SLC5A9: variants seen among roughly 807,000 people sequenced by gnomAD.
SLC5A9 encodes the protein solute carrier family 5 member 9, also known as sodium/glucose cotransporter 4.
A neutral mutation model predicts 70.9 loss-of-function variants in SLC5A9; 59 were observed. The ratio of observed to expected loss-of-function variants is 0.83; its 90% CI spans 0.68 to 1.03. SLC5A9 has a LOEUF of 1.03. Ranked by LOEUF, SLC5A9 falls within the 50% of genes least tolerant of loss-of-function variation. The pLI, the probability that SLC5A9 is intolerant of heterozygous loss-of-function variation, is 0.00. For synonymous variants in SLC5A9, 340 were observed against 346.5 expected (o/e 0.98, Z 0.21); for missense variants, 832 against 881.1 (o/e 0.94, Z 0.71).
At chr1:48,244,062 T>C (rs1412156389) in intron 13 of SLC5A9, among the ~76,000 whole-genome samples, 3 of 152,346 alleles carry the variant, frequency 2.0e-5, no homozygotes, top group African/African-American at 7.2e-5. Context: ...TCATTGTTTA[T>C]AACGTCCAGG....
chr1:48,231,574 G>A lies in SLC5A9; in HGVS notation c.640G>A (p.Ala214Thr), dbSNP rs747660405. 2 of 1,614,074 alleles carry A rather than the reference G, an allele frequency of 1.2e-6. No homozygotes were observed. Among genetic ancestry groups the A allele is most frequent in the Admixed American group, 3.3e-5 (2 of 60,010 alleles). ...CCTCATGGCCGTGATCTACACAGAT[G>A]CTCTGCAGACGGTGATCATGGTAGG... ...GGLMAVIYTD[A>T]LQTVIMVGGA... Residue 214 changes from alanine (A) to threonine (T), a missense_variant, in exon 6 of 14, where the codon GCT becomes ACT. By Grantham distance (58) the Ala-to-Thr change is moderately conservative (BLOSUM62 0). Transcript: ENST00000438567.
intron 2 of SLC5A9, among the ~76,000 whole-genome samples, chr1:48,227,483 G>T (rs1383429366): frequency 6.7e-6 from 1 of 148,508 alleles, no homozygotes; most frequent in Admixed American, 6.7e-5. Context: ...CTGTGTGGGC[G>T]TGAGTGCATG....
In SLC5A9 at chr1:48,247,821, C is replaced by A; in HGVS notation, c.*278C>A. On this transcript the variant is annotated 3_prime_UTR_variant, in exon 14 of 14. Coordinates refer to ENST00000438567, the MANE Select transcript of SLC5A9 (RefSeq NM_001011547.3). ...TTGCCTTACAGACCTACCTCAAACA[C>A]ACTGTTTCCACCCTCTTCTTGAATG... 1 of 486,262 alleles carries A rather than the reference C, an allele frequency of 2.1e-6. No individual in the cohort carries two copies. Among genetic ancestry groups the A allele is most frequent in the Non-Finnish European group, 3.7e-6 (1 of 267,840 alleles). The allele number at this position is 486,262 out of a possible 1,614,324, so 30.1% of individuals were successfully genotyped here. A position where few individuals can be genotyped will look rare whatever the true frequency, so the allele number is the denominator to read the frequency against.
At chr1:48,229,192 T>G in intron 3 of SLC5A9, 103 bp from the exon 4 acceptor site, 1 of 1,613,978 alleles carries the variant, frequency 6.2e-7, no homozygotes, top group Non-Finnish European at 8.5e-7. Context: ...CTTATTTCTC[T>G]GTTCGGGGGC....
chr1:48,235,984 C>G, intron 10 of SLC5A9, 105 bp downstream of exon 10: 3 of 1,349,332 alleles, frequency 2.2e-6, no homozygotes, highest in Non-Finnish European at 3.1e-6. Context: ...GACTGGCAGC[C>G]AGAGCACCGG....
chr1:48,241,470 T>G (rs1314353949), intron 12 of SLC5A9, among the ~76,000 whole-genome samples: 1 of 152,152 alleles, frequency 6.6e-6, no homozygotes, highest in Non-Finnish European at 1.5e-5. Context: ...GATACCCAGC[T>G]CAACATGCAC....
At chr1:48,237,385 A>G (rs527447863) in intron 10 of SLC5A9, among the ~76,000 whole-genome samples, 78 of 149,964 alleles carry the variant, frequency 5.2e-4, no homozygotes, top group Non-Finnish European at 1.1e-3. Context: ...GAATGTATGA[A>G]TTCCTCCTTG....
At chr1:48,243,262 G>C (rs1377194232) in intron 13 of SLC5A9, among the ~76,000 whole-genome samples, 2 of 152,076 alleles carry the variant, frequency 1.3e-5, no homozygotes, top group African/African-American at 4.8e-5. Context: ...CATGGGATGA[G>C]AGCAGCCATG....
chr1:48,244,878 G>GTATATATATATATA (rs756117312), intron 13 of SLC5A9, among the ~76,000 whole-genome samples: 956 of 29,374 alleles, frequency 0.033, 233 homozygotes, highest in Non-Finnish European at 0.052. Context: ...ATGTGTATGT[G>GTATATATATATATA]TATATATATA....
intron 10 of SLC5A9, among the ~76,000 whole-genome samples, chr1:48,236,261 G>A (rs212972): frequency 0.98 from 149,481 of 152,288 alleles, 73,369 homozygotes; most frequent in East Asian, 1. Flanking sequence ...CTATTAATTT[G>A]ATCCATCAGA....
At position 48,242,541 on chromosome 1, in the gene SLC5A9, G is replaced by T; in HGVS notation, c.1762G>T (p.Glu588Ter). 6.2e-7 allele frequency: 1 copy of T among 1,613,834 alleles called. No homozygotes were observed. Among genetic ancestry groups the T allele is most frequent in the East Asian group, 2.2e-5 (1 of 44,866 alleles). The change falls in exon 13 of 14, where the codon GAG (glutamate) becomes TAG (stop). Residue 588 changes from glutamate (E) to a stop codon, truncating the protein, a stop_gained. Coordinates refer to ENST00000438567, the MANE Select transcript of SLC5A9 (RefSeq NM_001011547.3). LOFTEE classifies it high-confidence loss of function. ...EAHESTPEIS[E>*]RPAGECPAGG... is the part of the protein sequence containing the mutation. ...CCACGAGAGCACACCGGAGATATCC[G>T]AGAGGCCAGCCGGGGAGTGCCCTGC... is the stretch of plus-strand genomic sequence containing the variant.
chr1:48,232,622 TTAAGAATACATAGCCGGTCATGGTGGCA>T, intron 8 of SLC5A9, 120 bp downstream of exon 8: 1 of 1,326,216 alleles, frequency 7.5e-7, no homozygotes, highest in Non-Finnish European at 1.0e-6. Flanking sequence ...GGTTTGTCTA[TTAAGAATACATAGCCGGTCATGGTGGCA>T]TGCACCCATA....
At chr1:48,228,802 T>C in intron 2 of SLC5A9, 48 bp from the exon 3 acceptor site, 1 of 1,604,726 alleles carries the variant, frequency 6.2e-7, no homozygotes, top group Non-Finnish European at 8.5e-7. Flanking sequence ...TCCAGATTCA[T>C]TCAGATCACT....
chr1:48,228,569 C>G, intron 2 of SLC5A9: 4 of 408,394 alleles, frequency 9.8e-6, no homozygotes, highest in Non-Finnish European at 1.8e-5. Context: ...CACTTCCAGG[C>G]TTCCTTCCCA....
intron 3 of SLC5A9, 128 bp from the exon 4 acceptor site, chr1:48,229,167 T>C: frequency 6.2e-7 from 1 of 1,613,504 alleles, no homozygotes; most frequent in Non-Finnish European, 8.5e-7. Context: ...AGGACTGGGG[T>C]CAGGTCCCAG....
At chr1:48,238,431 C>T (rs935057817) in intron 11 of SLC5A9, 1 of 152,290 alleles carries the variant, frequency 6.6e-6, no homozygotes, top group African/African-American at 2.4e-5. Context: ...CATGCAGTGC[C>T]ACTGAAACCT....
At chr1:48,244,926 A>C (rs1438895107) in intron 13 of SLC5A9, among the ~76,000 whole-genome samples, 9 of 114,612 alleles carry the variant, frequency 7.9e-5, no homozygotes, top group African/African-American at 2.8e-4. Flanking sequence ...TCTGTCTCAG[A>C]AGGTTGCCAA....
Position 48,244,878 on chromosome 1 carries a change from G to GCATATATATATATA in SLC5A9, c.1837+2262_1837+2263insCATATATATATATA, listed in dbSNP as rs1553132216. Among the ~76,000 whole-genome samples the GCATATATATATATA allele has an allele frequency of 6.8e-5, 2 of 29,418 alleles. 1 individual carries two copies. Among genetic ancestry groups the GCATATATATATATA allele is most frequent in the Non-Finnish European group, 1.5e-4 (2 of 13,036 alleles). 19.3% of individuals were successfully genotyped at this position (29,418 alleles called of 152,430 possible). ...TGTGTGTGTGTATGTATGTGTATGTGTATATATATATATATATATATATAT... is the reference window on the plus strand; with the variant it reads ...TGTGTGTGTGTATGTATGTGTATGTGCATATATATATATATATATATATATATATATATATATAT... On this transcript the variant is annotated intron_variant, in intron 13 of 13. Transcript: ENST00000438567.
In SLC5A9 at chr1:48,223,289, C is replaced by T. The variant is rs556285375; in HGVS notation, c.162+391C>T. ...AGTCCTGCATTCGTTAGCATCTTGG[C>T]TAAGGTGATTTCTAAATGAGAAGGG... On this transcript the variant is annotated intron_variant, in intron 1 of 13. Transcript: ENST00000438567. Among the ~76,000 whole-genome samples, 3 of 152,226 alleles carry T rather than the reference C, an allele frequency of 2.0e-5. No homozygotes were observed. In the South Asian group the frequency reaches 6.2e-4, roughly 32 times the overall value.
Sources: allele counts gnomAD v4.1 joint callset (sites outside exome capture counted in the v4.1 genomes callset), GRCh38; gene constraint gnomAD v4.1.1; transcripts MANE v1.5; gene names NCBI Gene and HGNC (gene_info 2026-07-23, HGNC 2026-07-21).